Variants in PREX2 observed in about 807,000 individuals in gnomAD.
PREX2 encodes the protein phosphatidylinositol-3,4,5-trisphosphate dependent Rac exchange factor 2.
PREX2 carries 107 observed loss-of-function variants against 203.2 expected under a neutral mutation model. That is an observed-to-expected ratio of 0.53 (90% CI 0.45 to 0.62). PREX2 has a LOEUF of 0.62. Among genes scored for constraint, PREX2 ranks in the 20% least tolerant of loss-of-function variants. PREX2 has a pLI of 0.00. For synonymous variants in PREX2, 672 were observed against 663.6 expected (o/e 1.01, Z -0.19); for missense variants, 1,777 against 1,955.9 (o/e 0.91, Z 1.72).
intron 37 of PREX2, among the ~76,000 whole-genome samples, chr8:68,204,913 C>T (rs1392512417): frequency 1.3e-5 from 2 of 151,776 alleles, no homozygotes; most frequent in African/African-American, 2.4e-5. Context: ...GATCTCCTGA[C>T]CTCGTGATCC....
intron 1 of PREX2, among the ~76,000 whole-genome samples, chr8:67,988,096 C>T (rs926015130): frequency 6.6e-6 from 1 of 152,220 alleles, no homozygotes; most frequent in Non-Finnish European, 1.5e-5. Flanking sequence ...AACACCTCTA[C>T]CTTCTAGTCA....
At position 68,083,328 on chromosome 8, in the gene PREX2, T is replaced by C. The variant is rs1157862775; in HGVS notation, c.1967T>C (p.Leu656Pro). ...CCTTTCAATGAAGTGGATTGCTTCC[T>C]GAAATCGTGTTTAAACAGCAGAAAA... Reference protein sequence around the residue: ...MRPFNEVDCFLKSCLNSRKPL... With the variant: ...MRPFNEVDCFPKSCLNSRKPL... The change falls in exon 18 of 40, where the codon CTG becomes CCG. Residue 656 changes from leucine (L) to proline (P), a missense_variant. By Grantham distance (98) the Leu-to-Pro change is moderately conservative (BLOSUM62 -3). Coordinates refer to ENST00000288368, the MANE Select transcript of PREX2 (RefSeq NM_024870.4). The C allele has an allele frequency of 6.2e-7, 1 of 1,611,768 alleles. No individual in the cohort carries two copies.
chr8:68,080,916 G>A, intron 17 of PREX2, 78 bp downstream of exon 17: 1 of 832,508 alleles, frequency 1.2e-6, no homozygotes, highest in Non-Finnish European at 2.0e-6. Flanking sequence ...ACTGAAATCT[G>A]CCTTTAAAGA....
intron 1 of PREX2, among the ~76,000 whole-genome samples, chr8:67,987,762 A>G (rs1384541475): frequency 6.6e-6 from 1 of 152,124 alleles, no homozygotes; most frequent in Non-Finnish European, 1.5e-5. Flanking sequence ...TTCTCTAAGC[A>G]TCTGTCTAGG....
At chr8:68,182,222 A>C (rs1364593938) in intron 35 of PREX2, among the ~76,000 whole-genome samples, 3 of 152,154 alleles carry the variant, frequency 2.0e-5, no homozygotes, top group Non-Finnish European at 4.4e-5. Context: ...GCATGCAACC[A>C]TGTTTAGTCT....
At chr8:68,106,525 G>C (rs1180556152) in intron 23 of PREX2, among the ~76,000 whole-genome samples, 2 of 152,016 alleles carry the variant, frequency 1.3e-5, no homozygotes, top group African/African-American at 4.8e-5. Context: ...CTGGCACATG[G>C]CTGAACTACA....
intron 10 of PREX2, among the ~76,000 whole-genome samples, chr8:68,058,034 G>A (rs1469188297): frequency 2.0e-5 from 3 of 152,154 alleles, no homozygotes; most frequent in Admixed American, 6.5e-5. Flanking sequence ...AGATTACTGC[G>A]GCCTTTTCCA....
At chr8:68,007,681 C>T (rs543930425) in intron 1 of PREX2, among the ~76,000 whole-genome samples, 183 of 152,294 alleles carry the variant, frequency 1.2e-3, no homozygotes, top group African/African-American at 4.2e-3. Flanking sequence ...GCCATCTTGG[C>T]TCACTGCAAG....
intron 4 of PREX2, among the ~76,000 whole-genome samples, chr8:68,022,506 G>A (rs768994412): frequency 6.6e-6 from 1 of 152,060 alleles, no homozygotes; most frequent in Non-Finnish European, 1.5e-5. Context: ...GAAAATCGTG[G>A]ATATGGTAGA....
chr8:68,063,794 A>G (rs576565622), intron 11 of PREX2, among the ~76,000 whole-genome samples: 8 of 152,214 alleles, frequency 5.3e-5, no homozygotes, highest in African/African-American at 9.6e-5. Flanking sequence ...TCATGTTGAC[A>G]TACAAACTAG....
intron 26 of PREX2, among the ~76,000 whole-genome samples, 154 bp downstream of exon 26, chr8:68,116,086 G>A (rs538086392): frequency 1.3e-5 from 2 of 152,316 alleles, no homozygotes; most frequent in South Asian, 4.1e-4. Context: ...ACAAAGCATA[G>A]TGGGACAATG....
intron 17 of PREX2, 144 bp downstream of exon 17, chr8:68,080,982 A>C: frequency 4.7e-6 from 3 of 638,438 alleles, no homozygotes; most frequent in Non-Finnish European, 8.3e-6. Context: ...AATCTTACTC[A>C]CAGGTTCTAC....
Position 68,060,661 on chromosome 8 carries a change from A to G in PREX2, c.1239-18A>G. ...AAAAAATTAACCGTTTAGCTTTTTC[A>G]CTGACTTTCTCTTGCAGCGAATTTG... On this transcript the variant is annotated intron_variant, in intron 10 of 39. Coordinates refer to ENST00000288368, the MANE Select transcript of PREX2 (RefSeq NM_024870.4). 6.3e-7 allele frequency: 1 copy of G among 1,591,042 alleles called. No individual in the cohort carries two copies.
chr8:68,107,026 T>C (rs1315321837), intron 23 of PREX2, among the ~76,000 whole-genome samples: 1 of 152,130 alleles, frequency 6.6e-6, no homozygotes, highest in African/African-American at 2.4e-5. Context: ...AGAACAGACC[T>C]ATGTATTAGC....
chr8:68,063,727 C>G (rs147898885), intron 11 of PREX2, among the ~76,000 whole-genome samples: 202 of 152,166 alleles, frequency 1.3e-3, no homozygotes, highest in African/African-American at 4.5e-3. Context: ...AGCTGGGTTT[C>G]TTGATGGACA....
chr8:68,230,793 G>A (rs1476986108), intron 39 of PREX2, among the ~76,000 whole-genome samples: 2 of 152,130 alleles, frequency 1.3e-5, no homozygotes, highest in Admixed American at 1.3e-4. Flanking sequence ...TTATCCTTAG[G>A]AAACTCTAGC....
chr8:68,039,145 C>A (rs1808119420), intron 7 of PREX2, among the ~76,000 whole-genome samples: 1 of 152,174 alleles, frequency 6.6e-6, no homozygotes, highest in South Asian at 2.1e-4. Context: ...TCATAGCAGA[C>A]TTTCTTGCAG....
chr8:68,056,343 AGAAAG>A (rs2129611227), intron 10 of PREX2, among the ~76,000 whole-genome samples: 1 of 152,312 alleles, frequency 6.6e-6, no homozygotes, highest in South Asian at 2.1e-4. Flanking sequence ...AGAATCAGAA[AGAAAG>A]GAAAGATAAG....
At chr8:68,000,574 G>T (rs1323562200) in intron 1 of PREX2, among the ~76,000 whole-genome samples, 1 of 152,112 alleles carries the variant, frequency 6.6e-6, no homozygotes, top group Non-Finnish European at 1.5e-5. Flanking sequence ...CAATGATATT[G>T]TTCACAGAAC....
Sources: gnomAD v4.1 joint callset for allele counts (sites outside exome capture counted in the v4.1 genomes callset) on GRCh38, gnomAD v4.1.1 for gene constraint, MANE v1.5 for transcripts, NCBI Gene and HGNC (gene_info 2026-07-23, HGNC 2026-07-21) for gene names.